TSHZ2: variants seen among roughly 807,000 people sequenced by gnomAD.
TSHZ2 encodes the protein teashirt homolog 2.
TSHZ2 carries 21 observed loss-of-function variants against 74.4 expected under a neutral mutation model. That is an observed-to-expected ratio of 0.28 (90% CI 0.20 to 0.41). TSHZ2 has a LOEUF of 0.41. Among genes scored for constraint, TSHZ2 ranks in the 10% least tolerant of loss-of-function variants. The pLI is 1.00. For synonymous variants in TSHZ2, 540 were observed against 515.3 expected (o/e 1.05, Z -0.65); for missense variants, 1,244 against 1,293.5 (o/e 0.96, Z 0.59).
Position 53,301,011 on chromosome 20 carries a change from G to A in TSHZ2, c.*8+44440G>A, listed in dbSNP as rs192500881. On this transcript the variant is annotated intron_variant, in intron 2 of 2. Transcript: ENST00000371497. Reference sequence around the variant, plus strand: ...CCCTCTGTCACCCAGGCTGGAGGCTGGAGTGCAGTGGCAAGATCTCGGCTC... The same window carrying A: ...CCCTCTGTCACCCAGGCTGGAGGCTAGAGTGCAGTGGCAAGATCTCGGCTC... Among the ~76,000 whole-genome samples, 70 of 152,200 alleles carry A rather than the reference G, an allele frequency of 4.6e-4. No homozygotes were observed. The East Asian group carries it at 0.013, about 28-fold the overall frequency.
At chr20:53,409,141 CAG>C (rs1378331206) in intron 2 of TSHZ2, among the ~76,000 whole-genome samples, 1 of 152,032 alleles carries the variant, frequency 6.6e-6, no homozygotes, top group Non-Finnish European at 1.5e-5. Context: ...AACGCTATAA[CAG>C]AAGGGGGGAT....
chr20:53,190,409 A>G (rs1338477756), intron 1 of TSHZ2, among the ~76,000 whole-genome samples: 1 of 151,724 alleles, frequency 6.6e-6, no homozygotes, highest in Non-Finnish European at 1.5e-5. Context: ...AGCAGCAGCA[A>G]CACCCCTCTA....
intron 1 of TSHZ2, among the ~76,000 whole-genome samples, chr20:53,210,649 C>CA (rs1023447816): frequency 6.6e-6 from 1 of 151,834 alleles, no homozygotes; most frequent in Non-Finnish European, 1.5e-5. Flanking sequence ...TATGGAGGAC[C>CA]AAAAAGCAAC....
chr20:53,139,111 AACATTTACCCTT>A (rs1451353125), intron 1 of TSHZ2, among the ~76,000 whole-genome samples: 1 of 152,180 alleles, frequency 6.6e-6, no homozygotes, highest in Non-Finnish European at 1.5e-5. Context: ...ATTACTCTGA[AACATTTACCCTT>A]AGCAAATGGT....
chr20:53,386,196 G>A (rs745960982), intron 2 of TSHZ2, among the ~76,000 whole-genome samples: 4 of 152,172 alleles, frequency 2.6e-5, no homozygotes, highest in Admixed American at 6.5e-5. Flanking sequence ...GTATTTTTAG[G>A]CCTACTGTTT....
intron 1 of TSHZ2, among the ~76,000 whole-genome samples, chr20:53,175,131 C>CTTTTTTTTTTTTTTTTTTTTTTTT: frequency 1.6e-5 from 1 of 63,638 alleles, no homozygotes; most frequent in Middle Eastern, 0.013. Context: ...CTTCTTCTTT[C>CTTTTTTTTTTTTTTTTTTTTTTTT]TTTTTTTTTT....
chr20:53,130,353 G>C (rs1987070090), intron 1 of TSHZ2, among the ~76,000 whole-genome samples: 1 of 152,240 alleles, frequency 6.6e-6, no homozygotes, highest in African/African-American at 2.4e-5. Flanking sequence ...GCCAGGTACA[G>C]TGGCTCACAC....
At chr20:53,035,754 C>T (rs933332766) in intron 1 of TSHZ2, among the ~76,000 whole-genome samples, 1 of 152,100 alleles carries the variant, frequency 6.6e-6, no homozygotes, top group African/African-American at 2.4e-5. Context: ...TAAAAGAAAG[C>T]AGAGTTCATT....
At chr20:52,997,839 G>A (rs1360202010) in intron 1 of TSHZ2, among the ~76,000 whole-genome samples, 1 of 152,176 alleles carries the variant, frequency 6.6e-6, no homozygotes, top group East Asian at 1.9e-4. Context: ...GGAATCCTAG[G>A]AAAATCTCTT....
intron 1 of TSHZ2, among the ~76,000 whole-genome samples, chr20:52,996,307 TTTTATTTATTTATTTATTTATTTA>T (rs56169663): frequency 6.9e-6 from 1 of 145,250 alleles, no homozygotes; most frequent in Non-Finnish European, 1.5e-5. Context: ...CCTTTCAGGT[TTTTATTTATTTATTTATTTATTTA>T]TTTATTTATT....
At chr20:53,444,030 G>A (rs899352412) in intron 2 of TSHZ2, among the ~76,000 whole-genome samples, 4 of 152,080 alleles carry the variant, frequency 2.6e-5, no homozygotes, top group African/African-American at 9.7e-5. Context: ...TTTAAGTACG[G>A]TGGCCAGCCA....
In TSHZ2 at chr20:53,490,948, G is replaced by T. The variant is rs1008727093; in HGVS notation, c.*3813G>T. On this transcript the variant is annotated 3_prime_UTR_variant, in exon 3 of 3. Transcript: ENST00000371497. ...ATCCAAAGATTACAGACCTTACAAG[G>T]TGCTTGCATTCTGTTGCTTTTCCAT... 6 of 151,890 alleles carry T rather than the reference G, an allele frequency of 4.0e-5. No individual in the cohort carries two copies. The East Asian group carries it at 7.7e-4, about 20-fold the overall frequency. The allele number at this position is 151,890 out of a possible 1,614,324, so 9.4% of individuals were successfully genotyped here. A position where few individuals can be genotyped will look rare whatever the true frequency, so the allele number is the denominator to read the frequency against.
chr20:52,985,286 A>G (rs932796189), intron 1 of TSHZ2, among the ~76,000 whole-genome samples: 4 of 152,172 alleles, frequency 2.6e-5, no homozygotes, highest in African/African-American at 7.2e-5. Context: ...AGCAAAACAG[A>G]CCTAATAAAA....
chr20:53,288,384 C>G (rs6063925), intron 2 of TSHZ2, among the ~76,000 whole-genome samples: 1 of 147,730 alleles, frequency 6.8e-6, no homozygotes, highest in African/African-American at 2.5e-5. Context: ...GCACTCCAGC[C>G]TGGGTGACAG....
At chr20:53,117,120 A>G (rs1456477145) in intron 1 of TSHZ2, among the ~76,000 whole-genome samples, 1 of 143,952 alleles carries the variant, frequency 6.9e-6, no homozygotes, top group African/African-American at 3.0e-5. Context: ...TGAGGGCTCC[A>G]CCTTCATGAC....
At chr20:53,386,367 G>T (rs1982045978) in intron 2 of TSHZ2, among the ~76,000 whole-genome samples, 2 of 152,224 alleles carry the variant, frequency 1.3e-5, no homozygotes, top group Admixed American at 6.5e-5. Flanking sequence ...TCTGTGAGGA[G>T]CTCACGGTAC....
chr20:53,014,022 C>T (rs1000461871), intron 1 of TSHZ2, among the ~76,000 whole-genome samples: 4 of 152,144 alleles, frequency 2.6e-5, no homozygotes, highest in Non-Finnish European at 4.4e-5. Context: ...GTGTATTAGT[C>T]AGCTCAGGCT....
chr20:53,327,643 G>A (rs1231954991), intron 2 of TSHZ2, among the ~76,000 whole-genome samples: 2 of 152,180 alleles, frequency 1.3e-5, no homozygotes, highest in African/African-American at 2.4e-5. Context: ...AATATTGACC[G>A]AGTGCTTGCT....
At chr20:53,077,626 A>G (rs970017627) in intron 1 of TSHZ2, among the ~76,000 whole-genome samples, 25 of 152,166 alleles carry the variant, frequency 1.6e-4, no homozygotes, top group Admixed American at 1.6e-3. Flanking sequence ...GTTTAGGCAC[A>G]TCATACACAG....
Sources: allele counts gnomAD v4.1 joint callset (sites outside exome capture counted in the v4.1 genomes callset), GRCh38; gene constraint gnomAD v4.1.1; transcripts MANE v1.5; gene names NCBI Gene and HGNC (gene_info 2026-07-23, HGNC 2026-07-21).